The following SH3GL1 variants were observed in gnomAD, a reference collection of about 807,000 sequenced individuals.
SH3GL1 encodes the protein endophilin-A2.
SH3GL1 carries 21 observed loss-of-function variants against 48.8 expected under a neutral mutation model. The observed-to-expected ratio is 0.43, with a 90% CI of 0.30 to 0.62. The LOEUF is 0.62. Among genes scored for constraint, SH3GL1 ranks in the 20% least tolerant of loss-of-function variants. The probability of loss-of-function intolerance (pLI) is 0.11; values close to 1 mark genes in which losing one functional copy is unlikely to be tolerated. For synonymous variants in SH3GL1, 282 were observed against 217.5 expected, an observed-to-expected ratio of 1.30 and a Z score of -2.61; for missense variants, 454 against 503.0, an observed-to-expected ratio of 0.90 and a Z score of 0.93.
chr19:4,364,170 T>C lies in SH3GL1; in HGVS notation c.383A>G (p.Lys128Arg). Residue 128 changes from lysine to arginine, a missense_variant, in exon 5 of 10, where the codon AAG (lysine) becomes AGG (arginine). Around this residue, in one of 2 missense-constraint regions of SH3GL1, gnomAD observed 176 missense variants for 256.2 expected, o/e 0.69. Coordinates refer to ENST00000269886, the MANE Select transcript of SH3GL1 (RefSeq NM_003025.4). ...CTTGACCTCGATGTCCAGGGAGTCC[T>C]TCACCTCTGCCAGGCGCTTCATGGA... Reference protein sequence around the residue: ...GESMKRLAEVKDSLDIEVKQN... With the variant: ...GESMKRLAEVRDSLDIEVKQN... The C allele has an allele frequency of 6.2e-7, 1 of 1,613,948 alleles. No homozygotes were observed.
At chr19:4,370,614 C>T (rs953168887) in intron 1 of SH3GL1, among the ~76,000 whole-genome samples, 5 of 152,252 alleles carry the variant, frequency 3.3e-5, no homozygotes, top group African/African-American at 1.2e-4. Flanking sequence ...GGCTGCCATC[C>T]TGAGAGCAAC....
intron 1 of SH3GL1, among the ~76,000 whole-genome samples, chr19:4,384,224 G>A (rs1973192202): frequency 6.6e-6 from 1 of 152,206 alleles, no homozygotes. Flanking sequence ...AGAGTCCTCA[G>A]AGCTGATGGC....
chr19:4,375,790 C>G (rs1418037430), intron 1 of SH3GL1, among the ~76,000 whole-genome samples: 1 of 152,212 alleles, frequency 6.6e-6, no homozygotes, highest in Non-Finnish European at 1.5e-5. Context: ...AGCCAACCCA[C>G]AAACAAATGA....
chr19:4,361,427 C>A lies in SH3GL1; in HGVS notation c.*173G>T. The A allele has an allele frequency of 1.7e-6, 1 of 595,926 alleles. No homozygotes were observed. Among genetic ancestry groups the A allele is most frequent in the Non-Finnish European group, 3.0e-6 (1 of 336,270 alleles). The allele number at this position is 595,926 out of a possible 1,614,324, so 36.9% of individuals were successfully genotyped here. A position where few individuals can be genotyped will look rare whatever the true frequency, so the allele number is the denominator to read the frequency against. On this transcript the variant is annotated 3_prime_UTR_variant, in exon 10 of 10. Transcript: ENST00000269886. ...AGGCATCCCCACCCACCCAGATAAG[C>A]CCCCCCACCCAAGTGTGGGGTCCTG... is the stretch of plus-strand genomic sequence containing the variant.
At chr19:4,393,916 C>A (rs1973381769) in intron 1 of SH3GL1, among the ~76,000 whole-genome samples, 1 of 152,036 alleles carries the variant, frequency 6.6e-6, no homozygotes, top group Admixed American at 6.6e-5. Flanking sequence ...TGACCTACAG[C>A]CCCCAAATAG....
chr19:4,385,914 G>A (rs531539399), intron 1 of SH3GL1, among the ~76,000 whole-genome samples: 104 of 152,330 alleles, frequency 6.8e-4, no homozygotes, highest in African/African-American at 2.4e-3. Context: ...CTCCTCGTGG[G>A]TGGAACGCTG....
intron 2 of SH3GL1, 39 bp from the exon 3 acceptor site, chr19:4,366,612 G>A: frequency 1.3e-6 from 2 of 1,575,246 alleles, no homozygotes; most frequent in Non-Finnish European, 1.7e-6. Flanking sequence ...CACAGCCAGT[G>A]GGGGCCCAAG....
At chr19:4,398,652 C>T (rs771874795) in intron 1 of SH3GL1, among the ~76,000 whole-genome samples, 2 of 152,186 alleles carry the variant, frequency 1.3e-5, no homozygotes, top group Admixed American at 6.5e-5. Context: ...GGATTCCAGG[C>T]ATGAGCCACC....
chr19:4,365,845 G>C (rs1021385738), intron 3 of SH3GL1, among the ~76,000 whole-genome samples: 2 of 152,198 alleles, frequency 1.3e-5, no homozygotes, highest in African/African-American at 4.8e-5. Flanking sequence ...TCCTCAGGGG[G>C]CAAAACCTCC....
At position 4,376,102 on chromosome 19, in the gene SH3GL1, C is replaced by T. The variant is rs80016274; in HGVS notation, c.46-9108G>A. Among the ~76,000 whole-genome samples the T allele has an allele frequency of 5.6e-4, 85 of 152,340 alleles. No homozygotes were observed. Among genetic ancestry groups the T allele is most frequent in the Non-Finnish European group, 9.1e-4 (62 of 68,026 alleles). The stretch of plus-strand genomic sequence containing the variant: ...GAGGCTGCAGGTGCACAGATCTCAA[C>T]GAGGGGCCGTGAGTTCCCTCACTCC... On this transcript the variant is annotated intron_variant, in intron 1 of 9. Transcript: ENST00000269886. This position sits in a 1 kb window ranked among gnomAD's most constrained non-coding sequence, Gnocchi z 4.3.
intron 1 of SH3GL1, among the ~76,000 whole-genome samples, chr19:4,379,959 C>G (rs958729370): frequency 6.6e-6 from 1 of 152,190 alleles, no homozygotes; most frequent in East Asian, 1.9e-4. Context: ...TCTCTCCCAC[C>G]CTGCCATCAT....
At chr19:4,383,684 C>T (rs1411874517) in intron 1 of SH3GL1, among the ~76,000 whole-genome samples, 2 of 152,204 alleles carry the variant, frequency 1.3e-5, no homozygotes, top group Non-Finnish European at 2.9e-5. Flanking sequence ...GAACACGAGA[C>T]GGCACTGCTG....
chr19:4,395,803 A>G (rs1186128279), intron 1 of SH3GL1: 1 of 152,102 alleles, frequency 6.6e-6, no homozygotes, highest in East Asian at 1.9e-4. Context: ...GCTACTCAGG[A>G]GGCTGAGGCA....
rs1293013816 is a variant in SH3GL1, at chr19:4,361,433, C to G, written c.*167G>C. 17 of 602,382 alleles carry G rather than the reference C, an allele frequency of 2.8e-5. No homozygotes were observed. The highest frequency in any genetic ancestry group is 2.4e-4 in the Admixed American group (8 of 33,762). 37.3% of individuals were successfully genotyped at this position (602,382 alleles called of 1,614,324 possible). A position where few individuals can be genotyped will look rare whatever the true frequency, so the allele number is the denominator to read the frequency against. On this transcript the variant is annotated 3_prime_UTR_variant, in exon 10 of 10. Coordinates refer to ENST00000269886, the MANE Select transcript of SH3GL1 (RefSeq NM_003025.4). ...CCCCACCCACCCAGATAAGCCCCCC[C>G]ACCCAAGTGTGGGGTCCTGCTCAGG...
intron 1 of SH3GL1, among the ~76,000 whole-genome samples, chr19:4,391,182 A>G (rs766631075): frequency 6.6e-6 from 1 of 152,216 alleles, no homozygotes; most frequent in East Asian, 1.9e-4. Context: ...CCTCAGGTGC[A>G]CTGCGCACGT....
At chr19:4,390,861 C>T (rs527684619) in intron 1 of SH3GL1, among the ~76,000 whole-genome samples, 5 of 152,116 alleles carry the variant, frequency 3.3e-5, no homozygotes. Context: ...AGCTCTGCCC[C>T]GGGCAGCGCC....
rs775979023 is a variant in SH3GL1 at position 4,360,493 on chromosome 19, TGCAGG to T, written c.*1102_*1106del. 2.3e-3 allele frequency: 538 copies of T among 234,080 alleles called. 2 individuals carry two copies. Among genetic ancestry groups the T allele is most frequent in the Admixed American group, 7.1e-3 (127 of 17,852 alleles). 14.5% of individuals were successfully genotyped at this position (234,080 alleles called of 1,614,324 possible). A position where few individuals can be genotyped will look rare whatever the true frequency, so the allele number is the denominator to read the frequency against. On this transcript the variant is annotated 3_prime_UTR_variant, in exon 10 of 10. Coordinates refer to ENST00000269886, the MANE Select transcript of SH3GL1 (RefSeq NM_003025.4). ...CCTCATGTACTTCTGACGAGGGGGG[TGCAGG>T]GCAGGGCAGAGCAGAGCCTGGGGTC...
In SH3GL1 at chr19:4,366,947, A is replaced by G. The variant is rs145343649; in HGVS notation, c.93T>C (p.Asp31=). 1.5e-5 allele frequency: 24 copies of G among 1,613,852 alleles called. No individual in the cohort carries two copies. The highest frequency in any genetic ancestry group is 2.0e-5 in the Non-Finnish European group (24 of 1,179,894). The change falls in exon 2 of 10, where the codon GAT becomes GAC. Residue 31 remains aspartate, a synonymous_variant. Coordinates refer to ENST00000269886, the MANE Select transcript of SH3GL1 (RefSeq NM_003025.4). ...TCACCTTCTCCATCTCTTTGAAGTC[A>G]TCATCCAGCTTGGTCCCCTCGGCCC... ...VGGAEGTKLD[D]DFKEMEKKVD... is the part of the protein sequence containing the mutation.
Position 4,362,746 on chromosome 19 carries a change from G to A in SH3GL1, c.729-10C>T, listed in dbSNP as rs1338295821. Reference sequence around the variant, plus strand: ...GGAAGCTTCCCGCATCCTGTGAAGGGAGAGGCGTGAGTGGACCGAGCCCGT... The same window carrying A: ...GGAAGCTTCCCGCATCCTGTGAAGGAAGAGGCGTGAGTGGACCGAGCCCGT... On this transcript the variant is annotated splice_polypyrimidine_tract_variant and intron_variant, in intron 7 of 9. Coordinates refer to ENST00000269886, the MANE Select transcript of SH3GL1 (RefSeq NM_003025.4). 6.2e-7 allele frequency: 1 copy of A among 1,613,726 alleles called. No homozygotes were observed. Among genetic ancestry groups the A allele is most frequent in the Non-Finnish European group, 8.5e-7 (1 of 1,180,018 alleles).
Sources: gnomAD v4.1 joint callset for allele counts (sites outside exome capture counted in the v4.1 genomes callset) on GRCh38, gnomAD v4.1.1 for gene constraint, gnomAD v4.1.1 regional missense constraint, Gnocchi (gnomAD v3.1) non-coding constraint, MANE v1.5 for transcripts, NCBI Gene and HGNC (gene_info 2026-07-23, HGNC 2026-07-21) for gene names.